ENOX2: variants seen among roughly 807,000 people sequenced by gnomAD.
ENOX2 encodes ecto-NOX disulfide-thiol exchanger 2.
ENOX2 carries 36 observed loss-of-function variants against 45.0 expected under a neutral mutation model. That is an observed-to-expected ratio of 0.80 (90% CI 0.61 to 1.06). The LOEUF (loss-of-function observed/expected upper bound fraction) is 1.06. Among genes scored for constraint, ENOX2 ranks in the 50% least tolerant of loss-of-function variants. The pLI is 0.00. For synonymous variants in ENOX2, 174 were observed against 152.3 expected (o/e 1.14, Z -1.05); for missense variants, 423 against 462.5 (o/e 0.91, Z 0.78).
Position 130,622,886 on chromosome X carries a change from T to C in ENOX2, c.*2428A>G, listed in dbSNP as rs998451823. 9.0e-6 allele frequency among the ~76,000 whole-genome samples: 1 copy of C among 111,246 alleles called. No homozygotes were observed. Among genetic ancestry groups the C allele is most frequent in the Admixed American group, 9.6e-5 (1 of 10,389 alleles). ...TTATGGGGGCTGGCAAGTTAGAGATTTGTAGGGCAGGCCGGCAGGCTGGAA... is the reference window on the plus strand; with the variant it reads ...TTATGGGGGCTGGCAAGTTAGAGATCTGTAGGGCAGGCCGGCAGGCTGGAA... On this transcript the variant is annotated 3_prime_UTR_variant, in exon 15 of 15. Transcript: ENST00000394363.
At chrX:130,842,326 T>C (rs781085011) in intron 2 of ENOX2, among the ~76,000 whole-genome samples, 24 of 112,786 alleles carry the variant, frequency 2.1e-4, no homozygotes, top group Non-Finnish European at 4.1e-4. Context: ...ACTTCATTTC[T>C]TATGTAGCTG....
chrX:130,737,759 C>A (rs186016572), intron 3 of ENOX2, among the ~76,000 whole-genome samples: 45 of 111,672 alleles, frequency 4.0e-4, no homozygotes, highest in African/African-American at 1.4e-3. Flanking sequence ...GCCCAGGACA[C>A]CTGAGGAACA....
intron 12 of ENOX2, 109 bp downstream of exon 12, chrX:130,634,875 A>C (rs1051847890): frequency 4.4e-6 from 2 of 450,451 alleles, no homozygotes; most frequent in Non-Finnish European, 7.5e-6. Context: ...CAATCGGCCA[A>C]AAATGTTTGG....
intron 3 of ENOX2, among the ~76,000 whole-genome samples, chrX:130,750,965 ATCTG>A (rs2039206368): frequency 9.0e-6 from 1 of 111,148 alleles, no homozygotes; most frequent in Admixed American, 9.6e-5. Context: ...CTGTCTGGGT[ATCTG>A]TCTGTCTGTG....
At chrX:130,795,256 C>T (rs1473749233) in intron 2 of ENOX2, among the ~76,000 whole-genome samples, 3 of 112,004 alleles carry the variant, frequency 2.7e-5, no homozygotes, top group Non-Finnish European at 5.6e-5. Context: ...AACTGATTAA[C>T]TCCTTTAGAG....
chrX:130,850,289 T>G (rs745638404), intron 2 of ENOX2, among the ~76,000 whole-genome samples: 4 of 111,527 alleles, frequency 3.6e-5, no homozygotes, highest in Non-Finnish European at 7.5e-5. Context: ...GAAAGTCCAC[T>G]TCTGTATCTT....
At chrX:130,826,942 T>C (rs1406712829) in intron 2 of ENOX2, among the ~76,000 whole-genome samples, 1 of 111,548 alleles carries the variant, frequency 9.0e-6, no homozygotes, top group African/African-American at 3.3e-5. Context: ...CTCTACTAAA[T>C]AGAGTAACTA....
chrX:130,725,478 A>T (rs890402475), intron 3 of ENOX2, among the ~76,000 whole-genome samples: 4 of 108,694 alleles, frequency 3.7e-5, no homozygotes, highest in African/African-American at 1.3e-4. Flanking sequence ...TTTAACAATC[A>T]TTTTTTTATT....
At chrX:130,817,435 T>G (rs1406482214) in intron 2 of ENOX2, among the ~76,000 whole-genome samples, 2 of 112,049 alleles carry the variant, frequency 1.8e-5, no homozygotes, top group Non-Finnish European at 1.9e-5. Context: ...AGTATCATCC[T>G]GATACCAAAA....
intron 5 of ENOX2, among the ~76,000 whole-genome samples, chrX:130,688,448 T>C (rs1603306339): frequency 8.9e-6 from 1 of 112,095 alleles, no homozygotes; most frequent in South Asian, 3.8e-4. Flanking sequence ...GAGTGATGTA[T>C]GAATAGTTGC....
intron 2 of ENOX2, among the ~76,000 whole-genome samples, chrX:130,838,804 TATG>T (rs2077968539): frequency 8.9e-6 from 1 of 112,160 alleles, no homozygotes; most frequent in South Asian, 3.7e-4. Flanking sequence ...CTCTTATCAC[TATG>T]ATATTTTTTG....
intron 3 of ENOX2, among the ~76,000 whole-genome samples, chrX:130,775,306 G>T (rs770367932): frequency 3.6e-5 from 4 of 110,167 alleles, no homozygotes; most frequent in Non-Finnish European, 3.8e-5. Flanking sequence ...CTTGAGACCT[G>T]GAGTTCAAGG....
intron 3 of ENOX2, among the ~76,000 whole-genome samples, chrX:130,717,508 C>A (rs1381635736): frequency 8.9e-6 from 1 of 112,068 alleles, no homozygotes; most frequent in Non-Finnish European, 1.9e-5. Flanking sequence ...TTGCAAATCA[C>A]CACTTCTTGA....
intron 2 of ENOX2, among the ~76,000 whole-genome samples, chrX:130,788,245 A>G (rs17316157): frequency 3.7e-4 from 42 of 112,432 alleles, no homozygotes; most frequent in Admixed American, 2.9e-3. Flanking sequence ...ATATAAAAAT[A>G]TTGGCAATTA....
chrX:130,646,836 G>C (rs930518418), intron 10 of ENOX2, among the ~76,000 whole-genome samples: 1 of 112,360 alleles, frequency 8.9e-6, no homozygotes, highest in African/African-American at 3.2e-5. Flanking sequence ...CAAGTTTCAC[G>C]AGTTAAGTCA....
chrX:130,632,769 C>T (rs2035810396), intron 12 of ENOX2, among the ~76,000 whole-genome samples: 1 of 112,071 alleles, frequency 8.9e-6, no homozygotes, highest in Non-Finnish European at 1.9e-5. Flanking sequence ...TTACAGGCTT[C>T]CTGGCTGTAG....
Position 130,785,309 on chromosome X carries a change from G to C in ENOX2, c.-182-1619C>G, listed in dbSNP as rs1409458468. On this transcript the variant is annotated intron_variant, in intron 2 of 14. Coordinates refer to ENST00000394363, the MANE Select transcript of ENOX2 (RefSeq NM_006375.4). ...CATTGCACTCCAGCCTGGGCAACAA[G>C]AGTGAAACTCCATCTCAAAAAAAAA... Among the ~76,000 whole-genome samples the C allele has an allele frequency of 2.1e-5, 2 of 96,344 alleles. 1 individual carries two copies. The highest frequency in any genetic ancestry group is 4.1e-5 in the Non-Finnish European group (2 of 49,151). The allele number at this position is 96,344 out of a possible 115,157, so 83.7% of individuals were successfully genotyped here. A position where few individuals can be genotyped will look rare whatever the true frequency, so the allele number is the denominator to read the frequency against.
intron 3 of ENOX2, among the ~76,000 whole-genome samples, chrX:130,726,053 G>A (rs973573871): frequency 8.9e-6 from 1 of 112,017 alleles, no homozygotes; most frequent in African/African-American, 3.2e-5. Context: ...CAGGAACATC[G>A]TATATACCTT....
At chrX:130,763,417 A>G (rs1371667827) in intron 3 of ENOX2, among the ~76,000 whole-genome samples, 1 of 111,366 alleles carries the variant, frequency 9.0e-6, no homozygotes, top group Non-Finnish European at 1.9e-5. Flanking sequence ...ACAGTCGTGA[A>G]TCTCCTGGAG....
Sources: gnomAD v4.1 joint callset for allele counts (sites outside exome capture counted in the v4.1 genomes callset) on GRCh38, gnomAD v4.1.1 for gene constraint, MANE v1.5 for transcripts, NCBI Gene and HGNC (gene_info 2026-07-23, HGNC 2026-07-21) for gene names.